Variants in CFAP69 observed in about 807,000 individuals in gnomAD.
CFAP69 encodes cilia and flagella associated protein 69.
A neutral mutation model predicts 123.0 loss-of-function variants in CFAP69; 92 were observed. That is an observed-to-expected ratio of 0.75 (90% CI 0.63 to 0.89). The LOEUF (loss-of-function observed/expected upper bound fraction) is 0.89. Among genes scored for constraint, CFAP69 ranks in the 40% least tolerant of loss-of-function variants. CFAP69 has a pLI of 0.00. For missense variants in CFAP69, 1,067 were observed against 1,096.9 expected, an observed-to-expected ratio of 0.97 and a Z score of 0.39; for synonymous variants, 380 against 364.3, an observed-to-expected ratio of 1.04 and a Z score of -0.49.
intron 3 of CFAP69, among the ~76,000 whole-genome samples, chr7:90,260,519 G>A (rs1798178199): frequency 6.6e-6 from 1 of 152,072 alleles, no homozygotes; most frequent in Non-Finnish European, 1.5e-5. Flanking sequence ...GTGACTGAGT[G>A]AGATCCTGTC....
In CFAP69 at chr7:90,271,559, A is replaced by G; in HGVS notation, c.566A>G (p.Gln189Arg). The change falls in exon 7 of 23, where the codon CAA becomes CGA. Residue 189 changes from glutamine (Q) to arginine (R), a missense_variant. Gln to Arg is a conservative substitution (Grantham distance 43). Coordinates refer to ENST00000389297, the MANE Select transcript of CFAP69 (RefSeq NM_001039706.3). ...YQQASSSYKIQMAEVGGLAKT... is the reference protein window; with the variant it reads ...YQQASSSYKIRMAEVGGLAKT... Reference sequence around the variant, plus strand: ...CAAGCGAGTTCATCATACAAGATTCAAATGGCTGAAGTTGGAGGATTAGCA... The same window carrying G: ...CAAGCGAGTTCATCATACAAGATTCGAATGGCTGAAGTTGGAGGATTAGCA... 2 of 1,612,674 alleles carry G rather than the reference A, an allele frequency of 1.2e-6. No homozygotes were observed. Among genetic ancestry groups the G allele is most frequent in the Non-Finnish European group, 1.7e-6 (2 of 1,179,578 alleles).
chr7:90,314,790 T>C (rs1381276962), downstream of CFAP69, among the ~76,000 whole-genome samples: 1 of 152,012 alleles, frequency 6.6e-6, no homozygotes, highest in Non-Finnish European at 1.5e-5. Flanking sequence ...TACATATATA[T>C]ACATGTGCCA....
chr7:90,272,096 T>C (rs1800040356), intron 8 of CFAP69, 138 bp downstream of exon 8: 1 of 796,930 alleles, frequency 1.3e-6, no homozygotes, highest in African/African-American at 1.8e-5. Context: ...ACATCTTTTT[T>C]GTTCCATGGT....
chr7:90,310,085 A>C lies in CFAP69; in HGVS notation c.2673A>C (p.Val891=). The change falls in exon 23 of 23, where the codon GTA becomes GTC. Residue 891 remains valine (V), a synonymous_variant. Coordinates refer to ENST00000389297, the MANE Select transcript of CFAP69 (RefSeq NM_001039706.3). ...CTTTTTAGGTGCCCTCTGGTGGAGT[A>C]GTAACAGTGGAAAGCACTCCTGCCC... ...GLNTTVPSGG[V]VTVESTPARL... The C allele has an allele frequency of 1.2e-6, 2 of 1,611,196 alleles. No homozygotes were observed. Among genetic ancestry groups the C allele is most frequent in the Non-Finnish European group, 1.7e-6 (2 of 1,178,158 alleles).
downstream of CFAP69, among the ~76,000 whole-genome samples, chr7:90,313,608 G>T (rs988899745): frequency 6.6e-6 from 1 of 152,138 alleles, no homozygotes; most frequent in Non-Finnish European, 1.5e-5. Context: ...GCCAAAGCTG[G>T]AATGATTTGA....
rs1006238657 is a variant in CFAP69 at position 90,268,488 on chromosome 7, C to T, written c.532+104C>T. 4 of 811,824 alleles carry T rather than the reference C, an allele frequency of 4.9e-6. No individual in the cohort carries two copies. In the African/African-American group the frequency reaches 7.2e-5, roughly 15 times the overall value. The allele number at this position is 811,824 out of a possible 1,614,324, so 50.3% of individuals were successfully genotyped here. On this transcript the variant is annotated intron_variant, in intron 6 of 22. Coordinates refer to ENST00000389297, the MANE Select transcript of CFAP69 (RefSeq NM_001039706.3). ...AGACACAGTGGGCTCATAAATGTAACACATTAAAAAGAAAACTTTTTTGTA... is the reference window on the plus strand; with the variant it reads ...AGACACAGTGGGCTCATAAATGTAATACATTAAAAAGAAAACTTTTTTGTA...
At chr7:90,265,974 G>A (rs983789302) in intron 5 of CFAP69, 1 of 152,080 alleles carries the variant, frequency 6.6e-6, no homozygotes, top group African/African-American at 2.4e-5. Context: ...CTGGCTCTTT[G>A]AGTCAGCTCC....
chr7:90,277,368 A>T, intron 11 of CFAP69, 34 bp downstream of exon 11: 1 of 1,431,810 alleles, frequency 7.0e-7, no homozygotes, highest in Non-Finnish European at 9.2e-7. Context: ...AATCAATAAA[A>T]ATTGTCTTAC....
intron 13 of CFAP69, among the ~76,000 whole-genome samples, chr7:90,286,037 C>T (rs1053064931): frequency 3.3e-5 from 5 of 152,154 alleles, no homozygotes; most frequent in African/African-American, 1.2e-4. Flanking sequence ...CATGGTCGTG[C>T]ACGCCTGTAA....
chr7:90,275,142 T>C (rs1379585334), intron 9 of CFAP69, among the ~76,000 whole-genome samples: 1 of 152,226 alleles, frequency 6.6e-6, no homozygotes, highest in Non-Finnish European at 1.5e-5. Flanking sequence ...ACTTCAGATA[T>C]ATTTTTCAGT....
At chr7:90,308,592 A>G (rs1213830098) in intron 21 of CFAP69, among the ~76,000 whole-genome samples, 1 of 152,188 alleles carries the variant, frequency 6.6e-6, no homozygotes, top group African/African-American at 2.4e-5. Flanking sequence ...GTGGAACCAT[A>G]TTAAGATAGC....
At chr7:90,321,808 C>T in the CFAP69 span, among the ~76,000 whole-genome samples, 19 of 152,314 alleles carry the variant, frequency 1.2e-4, no homozygotes, top group Non-Finnish European at 2.2e-4. Context: ...TCCTTTATCC[C>T]TTCATGGATG....
chr7:90,303,519 C>T lies in CFAP69; in HGVS notation c.2051-450C>T, dbSNP rs928161692. On this transcript the variant is annotated intron_variant, in intron 17 of 22. Transcript: ENST00000389297. ...TTTATTTTTAAATGTAAATACTTCCCCTTCTGATGACTTGTATCTTCAATC... is the reference window on the plus strand; with the variant it reads ...TTTATTTTTAAATGTAAATACTTCCTCTTCTGATGACTTGTATCTTCAATC... The T allele has an allele frequency of 1.2e-3, 1,163 of 934,664 alleles. 3 individuals carry two copies. Among genetic ancestry groups the T allele is most frequent in the Non-Finnish European group, 1.4e-3 (1,098 of 784,270 alleles). The allele number at this position is 934,664 out of a possible 1,614,324, so 57.9% of individuals were successfully genotyped here.
chr7:90,322,678 A>G, the CFAP69 span: 1 of 152,210 alleles, frequency 6.6e-6, no homozygotes, highest in Non-Finnish European at 1.5e-5. Flanking sequence ...TTCAAAACCT[A>G]TTGAAAAGTT....
intron 12 of CFAP69, among the ~76,000 whole-genome samples, chr7:90,281,752 G>A (rs147035697): frequency 3.9e-4 from 60 of 152,180 alleles, no homozygotes; most frequent in Middle Eastern, 6.8e-3. Context: ...AGAAAAGATC[G>A]ATGCATTTAA....
Position 90,245,400 on chromosome 7 carries a change from A to C in CFAP69, c.-25A>C, listed in dbSNP as rs1359928337. 2.0e-6 allele frequency: 3 copies of C among 1,521,768 alleles called. No individual in the cohort carries two copies. Among genetic ancestry groups the C allele is most frequent in the East Asian group, 2.7e-5 (1 of 37,428 alleles). The allele number at this position is 1,521,768 out of a possible 1,614,324, so 94.3% of individuals were successfully genotyped here. A position where few individuals can be genotyped will look rare whatever the true frequency, so the allele number is the denominator to read the frequency against. On this transcript the variant is annotated 5_prime_UTR_variant, in exon 1 of 23. Coordinates refer to ENST00000389297, the MANE Select transcript of CFAP69 (RefSeq NM_001039706.3). Reference sequence around the variant, plus strand: ...CACTGTAGGACAGGAAGATCCCCCCACTCTCCACCCCGCCGCCACCGGCCA... The same window carrying C: ...CACTGTAGGACAGGAAGATCCCCCCCCTCTCCACCCCGCCGCCACCGGCCA...
Position 90,268,390 on chromosome 7 carries a change from G to C in CFAP69, c.532+6G>C. ...ACCAAAGAAGCATATTCCAGGTGAAGTTTACAATGGTCTTTCAGTGATAAC... is the reference window on the plus strand; with the variant it reads ...ACCAAAGAAGCATATTCCAGGTGAACTTTACAATGGTCTTTCAGTGATAAC... On this transcript the variant is annotated splice_donor_region_variant and intron_variant, in intron 6 of 22. Coordinates refer to ENST00000389297, the MANE Select transcript of CFAP69 (RefSeq NM_001039706.3). The C allele has an allele frequency of 6.3e-7, 1 of 1,578,006 alleles. No individual in the cohort carries two copies. The highest frequency in any genetic ancestry group is 1.7e-5 in the Admixed American group (1 of 58,700).
chr7:90,280,084 T>C (rs1789239181), intron 12 of CFAP69, among the ~76,000 whole-genome samples, 191 bp downstream of exon 12: 1 of 152,230 alleles, frequency 6.6e-6, no homozygotes, highest in African/African-American at 2.4e-5. Context: ...CGTCAGTAAA[T>C]GTCATAGTTG....
At chr7:90,302,659 C>G (rs941855178) in intron 17 of CFAP69, 2 of 152,124 alleles carry the variant, frequency 1.3e-5, no homozygotes, top group African/African-American at 4.8e-5. Flanking sequence ...TCTGGGCTCT[C>G]TATTCTGTTA....
Sources: allele counts gnomAD v4.1 joint callset (sites outside exome capture counted in the v4.1 genomes callset), GRCh38; gene constraint gnomAD v4.1.1; transcripts MANE v1.5; gene names NCBI Gene and HGNC (gene_info 2026-07-23, HGNC 2026-07-21).